ARFGEF1: variants seen among roughly 807,000 people sequenced by gnomAD.
ARFGEF1 encodes ARF guanine nucleotide exchange factor 1, also known as brefeldin A-inhibited guanine nucleotide-exchange protein 1.
In ARFGEF1, 42 loss-of-function variants were observed where a neutral mutation model predicts 231.0. The observed-to-expected ratio is 0.18, with a 90% CI of 0.14 to 0.24. The LOEUF (loss-of-function observed/expected upper bound fraction) is 0.24, where lower values mean the gene tolerates loss of function less well. Among genes scored for constraint, ARFGEF1 ranks in the 10% least tolerant of loss-of-function variants. ARFGEF1 has a pLI of 1.00. For missense variants in ARFGEF1, 1,345 were observed against 2,192.0 expected (o/e 0.61, Z 7.72); for synonymous variants, 710 against 732.3 (o/e 0.97, Z 0.49).
At chr8:67,327,609 C>T (rs534544619) in intron 1 of ARFGEF1, among the ~76,000 whole-genome samples, 1 of 152,140 alleles carries the variant, frequency 6.6e-6, no homozygotes, top group Non-Finnish European at 1.5e-5. Context: ...CGTGAGCCAA[C>T]GCACCTGGCC....
At chr8:67,268,637 G>A (rs1301419768) in intron 10 of ARFGEF1, among the ~76,000 whole-genome samples, 1 of 152,220 alleles carries the variant, frequency 6.6e-6, no homozygotes, top group Non-Finnish European at 1.5e-5. Flanking sequence ...ACAGGAATGA[G>A]GGGGACAGTA....
At chr8:67,197,436 G>A (rs1268636625), downstream of ARFGEF1, among the ~76,000 whole-genome samples, 1 of 152,132 alleles carries the variant, frequency 6.6e-6, no homozygotes, top group Admixed American at 6.6e-5. Flanking sequence ...ACAACAGAGT[G>A]AGATCCGGTC....
chr8:67,292,074 T>C lies in ARFGEF1; in HGVS notation c.689A>G (p.His230Arg), dbSNP rs1344388478. 6.2e-7 allele frequency: 1 copy of C among 1,613,922 alleles called. No individual in the cohort carries two copies. Among genetic ancestry groups the C allele is most frequent in the South Asian group, 1.1e-5 (1 of 91,070 alleles). ...ATGGCTTACTGGAGACTGTAACAGA[T>C]GATGATGCTGCCGATGCCTTTCTTT... Reference protein sequence around the residue: ...MEKERHRQHHHLLQSPVSHHE... With the variant: ...MEKERHRQHHRLLQSPVSHHE... Residue 230 changes from histidine (H) to arginine (R), a missense_variant, in exon 6 of 39, where the codon CAT becomes CGT. Physicochemically the swap from His to Arg is conservative, Grantham distance 29. This residue lies in a region of ARFGEF1 where 398 missense variants were observed against 463.2 expected (regional missense o/e 0.86). Coordinates refer to ENST00000262215, the MANE Select transcript of ARFGEF1 (RefSeq NM_006421.5).
At chr8:67,272,166 C>T (rs1198175455) in intron 9 of ARFGEF1, among the ~76,000 whole-genome samples, 1 of 152,100 alleles carries the variant, frequency 6.6e-6, no homozygotes, top group Non-Finnish European at 1.5e-5. Context: ...TATAATTTCA[C>T]AAACTTTTTA....
intron 23 of ARFGEF1, among the ~76,000 whole-genome samples, chr8:67,231,026 GTAA>G (rs1839536286): frequency 6.6e-6 from 1 of 151,988 alleles, no homozygotes; most frequent in African/African-American, 2.4e-5. Context: ...TCCTGTACTT[GTAA>G]TAACAGGTTA....
intron 30 of ARFGEF1, 62 bp from the exon 31 acceptor site, chr8:67,218,200 AAAAAAAAAT>A (rs1400422867): frequency 1.5e-4 from 30 of 200,742 alleles, no homozygotes; most frequent in South Asian, 4.3e-4. Context: ...TTAAAAAAAA[AAAAAAAAAT>A]ATATATATAT....
chr8:67,265,921 A>T, intron 14 of ARFGEF1, 85 bp downstream of exon 14: 1 of 1,214,996 alleles, frequency 8.2e-7, no homozygotes, highest in Non-Finnish European at 1.2e-6. Context: ...TTTACTCATT[A>T]TAAGGTGATA....
chr8:67,267,008 A>G, intron 12 of ARFGEF1, 24 bp from the exon 13 acceptor site: 1 of 1,608,018 alleles, frequency 6.2e-7, no homozygotes, highest in Non-Finnish European at 8.5e-7. Flanking sequence ...CAAAAACAAA[A>G]TTTTTTTTAA....
chr8:67,283,526 T>C (rs528626392), intron 7 of ARFGEF1, among the ~76,000 whole-genome samples: 15 of 152,068 alleles, frequency 9.9e-5, no homozygotes, highest in Non-Finnish European at 1.8e-4. Flanking sequence ...AAAAATTATT[T>C]AAAAAATTAT....
intron 14 of ARFGEF1, among the ~76,000 whole-genome samples, chr8:67,264,675 G>A (rs1226911378): frequency 6.6e-6 from 1 of 152,094 alleles, no homozygotes; most frequent in African/African-American, 2.4e-5. Context: ...AAGTATACTA[G>A]GAATACAGTT....
intron 1 of ARFGEF1, among the ~76,000 whole-genome samples, chr8:67,339,582 T>C (rs921125572): frequency 6.6e-5 from 10 of 151,848 alleles, no homozygotes; most frequent in Non-Finnish European, 1.3e-4. Flanking sequence ...AAACTAAAAA[T>C]AGCTCAGCTG....
intron 7 of ARFGEF1, among the ~76,000 whole-genome samples, chr8:67,286,261 C>T (rs968264875): frequency 1.3e-5 from 2 of 152,192 alleles, no homozygotes; most frequent in South Asian, 4.1e-4. Context: ...ATAGCAAAAT[C>T]GTTAACCACT....
chr8:67,221,398 A>G (rs1427329333), intron 29 of ARFGEF1, among the ~76,000 whole-genome samples: 1 of 152,148 alleles, frequency 6.6e-6, no homozygotes, highest in Non-Finnish European at 1.5e-5. Flanking sequence ...AGACAGTGAC[A>G]CTGATGATCC....
At chr8:67,299,975 AC>A (rs1464215415) in intron 3 of ARFGEF1, among the ~76,000 whole-genome samples, 11 of 151,698 alleles carry the variant, frequency 7.3e-5, no homozygotes, top group Middle Eastern at 6.8e-3. Context: ...ACAAAAAAAA[AC>A]AAAAAAAAAA....
intron 34 of ARFGEF1, among the ~76,000 whole-genome samples, chr8:67,209,619 TTCTCC>T (rs1353357950): frequency 6.6e-6 from 1 of 152,268 alleles, no homozygotes; most frequent in Admixed American, 6.5e-5. Flanking sequence ...AGCTGTCCTG[TTCTCC>T]TCTAAGGAGG....
intron 29 of ARFGEF1, among the ~76,000 whole-genome samples, chr8:67,222,345 A>G (rs1839226878): frequency 6.7e-6 from 1 of 149,580 alleles, no homozygotes; most frequent in African/African-American, 2.5e-5. Context: ...GGCTCACTGC[A>G]ACCTCCGCCT....
chr8:67,222,260 T>TATGC (rs1171898485), intron 29 of ARFGEF1, among the ~76,000 whole-genome samples: 41 of 143,684 alleles, frequency 2.9e-4, no homozygotes, highest in African/African-American at 6.2e-4. Flanking sequence ...TGTATGTATG[T>TATGC]ATGTATGTAT....
At chr8:67,281,963 G>A (rs544934387) in intron 7 of ARFGEF1, among the ~76,000 whole-genome samples, 18 of 152,166 alleles carry the variant, frequency 1.2e-4, no homozygotes, top group African/African-American at 4.1e-4. Context: ...GAGAAGACTC[G>A]ATACTGTTGC....
At chr8:67,190,001 T>C (rs1019323174) in intron 5 of ARFGEF1, among the ~76,000 whole-genome samples, 1 of 152,150 alleles carries the variant, frequency 6.6e-6, no homozygotes, top group African/African-American at 2.4e-5. Context: ...TCTTACAATG[T>C]AAAATGTAAA....
Sources: allele counts gnomAD v4.1 joint callset (sites outside exome capture counted in the v4.1 genomes callset), GRCh38; gene constraint gnomAD v4.1.1; regional missense constraint gnomAD v4.1.1; transcripts MANE v1.5; gene names NCBI Gene and HGNC (gene_info 2026-07-23, HGNC 2026-07-21).